The following RBFOX1 variants were observed in gnomAD, a reference collection of about 807,000 sequenced individuals.
The protein encoded by RBFOX1 is RNA binding fox-1 homolog 1, also known as RNA binding protein fox-1 homolog 1.
A neutral mutation model predicts 57.7 loss-of-function variants in RBFOX1; 8 were observed. The ratio of observed to expected loss-of-function variants is 0.14; its 90% CI spans 0.08 to 0.25. The LOEUF is 0.25. Among genes scored for constraint, RBFOX1 ranks in the 10% least tolerant of loss-of-function variants. The pLI, the probability that RBFOX1 is intolerant of heterozygous loss-of-function variation, is 1.00. For missense variants in RBFOX1, 611 were observed against 548.5 expected (o/e 1.11, Z -1.14); for synonymous variants, 326 against 222.4 (o/e 1.47, Z -4.15).
At chr16:6,839,011 G>A (rs371427808) in intron 3 of RBFOX1, among the ~76,000 whole-genome samples, 2 of 151,766 alleles carry the variant, frequency 1.3e-5, no homozygotes, top group Admixed American at 6.6e-5. Flanking sequence ...TTGTGACCGA[G>A]TCTTGCTCTG....
chr16:6,976,051 C>T (rs550311147), intron 3 of RBFOX1, among the ~76,000 whole-genome samples: 1 of 152,190 alleles, frequency 6.6e-6, no homozygotes, highest in East Asian at 1.9e-4. Flanking sequence ...TGCTTGAACC[C>T]AGTAGGTGGA....
intron 2 of RBFOX1, among the ~76,000 whole-genome samples, chr16:6,595,069 G>A (rs2097763638): frequency 2.0e-5 from 3 of 152,140 alleles, no homozygotes; most frequent in African/African-American, 7.2e-5. Flanking sequence ...TTACAGGCAT[G>A]AGCCACCGCA....
chr16:7,442,459 C>T (rs957252320), intron 4 of RBFOX1, among the ~76,000 whole-genome samples: 5 of 152,176 alleles, frequency 3.3e-5, no homozygotes, highest in African/African-American at 1.2e-4. Context: ...TATTAGAAGC[C>T]CTGTGTCTCA....
intron 3 of RBFOX1, among the ~76,000 whole-genome samples, chr16:6,834,936 A>G (rs1260785801): frequency 7.2e-6 from 1 of 138,474 alleles, no homozygotes; most frequent in Non-Finnish European, 1.5e-5. Flanking sequence ...TCTGTTGCCC[A>G]GGCTGGAGTG....
chr16:7,313,321 G>A (rs2096363330), intron 4 of RBFOX1, among the ~76,000 whole-genome samples: 2 of 152,256 alleles, frequency 1.3e-5, no homozygotes, highest in South Asian at 4.2e-4. Context: ...AGTTAACACA[G>A]GAAGGGGTTG....
At chr16:7,246,974 T>C (rs146294160) in intron 4 of RBFOX1, among the ~76,000 whole-genome samples, 67 of 152,268 alleles carry the variant, frequency 4.4e-4, no homozygotes, top group Non-Finnish European at 6.5e-4. Context: ...GGATACCCTA[T>C]GTATTCTTTT....
chr16:7,081,435 ACTC>A (rs2059183924), intron 4 of RBFOX1, among the ~76,000 whole-genome samples: 1 of 151,930 alleles, frequency 6.6e-6, no homozygotes, highest in South Asian at 2.1e-4. Context: ...TAACTTGGCC[ACTC>A]CTCATGGGGG....
At chr16:7,622,479 C>G (rs993325023) in intron 10 of RBFOX1, among the ~76,000 whole-genome samples, 1 of 152,142 alleles carries the variant, frequency 6.6e-6, no homozygotes, top group Non-Finnish European at 1.5e-5. Flanking sequence ...ATTAAGTGAA[C>G]AGTTGGAGTG....
chr16:6,886,108 C>G (rs1276364146), intron 3 of RBFOX1, among the ~76,000 whole-genome samples: 4 of 149,254 alleles, frequency 2.7e-5, no homozygotes, highest in Non-Finnish European at 4.4e-5. Context: ...TGTCACCAGG[C>G]TGGAGTGCAG....
At chr16:6,336,173 A>G (rs1223525050) in intron 2 of RBFOX1, among the ~76,000 whole-genome samples, 3 of 34,186 alleles carry the variant, frequency 8.8e-5, no homozygotes, top group Non-Finnish European at 1.8e-4. Context: ...ATATATATAT[A>G]TATATATATT....
At chr16:6,895,695 G>C (rs111578265) in intron 3 of RBFOX1, among the ~76,000 whole-genome samples, 3 of 151,576 alleles carry the variant, frequency 2.0e-5, no homozygotes, top group Admixed American at 6.6e-5. Context: ...AAGAAATAAA[G>C]GAAGAGTAAA....
intron 1 of RBFOX1, among the ~76,000 whole-genome samples, chr16:6,287,913 T>G (rs4255786): frequency 6.6e-6 from 1 of 152,088 alleles, no homozygotes; most frequent in Admixed American, 6.5e-5. Context: ...TACCCATGCT[T>G]TCCTGTCCTA....
chr16:7,029,873 C>T (rs534471496), intron 3 of RBFOX1, among the ~76,000 whole-genome samples: 3 of 152,220 alleles, frequency 2.0e-5, no homozygotes, highest in South Asian at 2.1e-4. Flanking sequence ...TATGTCCATT[C>T]ATTGGGAATA....
At chr16:6,692,635 A>G (rs1046484193) in intron 3 of RBFOX1, among the ~76,000 whole-genome samples, 4 of 148,716 alleles carry the variant, frequency 2.7e-5, no homozygotes, top group African/African-American at 9.9e-5. Context: ...ATCCAAACAC[A>G]TTTTTTTTTT....
chr16:6,550,899 G>C (rs949234435), intron 2 of RBFOX1, among the ~76,000 whole-genome samples: 3 of 152,186 alleles, frequency 2.0e-5, no homozygotes, highest in Non-Finnish European at 2.9e-5. Context: ...GTCTAAAGGA[G>C]GGTGTGAATA....
At chr16:5,928,400 G>A (rs955800455) in intron 4 of RBFOX1, among the ~76,000 whole-genome samples, 2 of 147,784 alleles carry the variant, frequency 1.4e-5, no homozygotes, top group African/African-American at 5.0e-5. Context: ...GATTTTAAAT[G>A]TTCTCGCCAT....
At chr16:5,723,419 G>C (rs149468926) in intron 3 of RBFOX1, among the ~76,000 whole-genome samples, 11,182 of 81,116 alleles carry the variant, frequency 0.14, 1,508 homozygotes, top group African/African-American at 0.44. Flanking sequence ...GGGCTGGATG[G>C]TGTCTGAGGT....
chr16:6,873,636 C>T (rs2061335375), intron 3 of RBFOX1, among the ~76,000 whole-genome samples: 1 of 152,102 alleles, frequency 6.6e-6, no homozygotes, highest in African/African-American at 2.4e-5. Context: ...TTTACACCAG[C>T]CATGAGATTC....
chr16:7,243,181 A>G (rs148832045), intron 4 of RBFOX1, among the ~76,000 whole-genome samples: 1 of 152,198 alleles, frequency 6.6e-6, no homozygotes, highest in African/African-American at 2.4e-5. Context: ...GTGAATGTTC[A>G]GCAAACACAT....
Sources: gnomAD v4.1 joint callset for allele counts (sites outside exome capture counted in the v4.1 genomes callset) on GRCh38, gnomAD v4.1.1 for gene constraint, MANE v1.5 for transcripts, NCBI Gene and HGNC (gene_info 2026-07-23, HGNC 2026-07-21) for gene names.